The following RSRP1 variants were observed in gnomAD, a reference collection of about 807,000 sequenced individuals.
RSRP1 encodes the protein arginine and serine rich protein 1, also known as arginine/serine-rich protein 1.
Under a neutral mutation model 33.0 loss-of-function variants are expected in RSRP1, and 37 were observed. That is an observed-to-expected ratio of 1.12 (90% CI 0.86 to 1.48). RSRP1 has a LOEUF of 1.48. Among genes scored for constraint, RSRP1 ranks in the 40% most tolerant of loss-of-function variants. The pLI, the probability that RSRP1 is intolerant of heterozygous loss-of-function variation, is 0.00. For synonymous variants in RSRP1, 167 were observed against 158.7 expected (o/e 1.05, Z -0.40); for missense variants, 402 against 385.3 (o/e 1.04, Z -0.36).
chr1:25,290,905 A>C (rs1642445275), intron 1 of RSRP1: 2 of 1,081,604 alleles, frequency 1.8e-6, no homozygotes, highest in East Asian at 4.6e-5. Context: ...GCTACTTGGG[A>C]GGTTGAGGAG....
At chr1:25,300,522 A>T (rs2124672668) in intron 1 of RSRP1, among the ~76,000 whole-genome samples, 1 of 127,950 alleles carries the variant, frequency 7.8e-6, no homozygotes, top group East Asian at 2.0e-4. Flanking sequence ...AAAAAAAAAA[A>T]AAAAAGGCCA....
rs745708012 is a variant in RSRP1, at chr1:25,246,927, G to C, written c.37C>G (p.Pro13Ala). 1.0e-5 allele frequency: 16 copies of C among 1,593,462 alleles called. No individual in the cohort carries two copies. In the African/African-American group the frequency reaches 2.0e-4, roughly 20 times the overall value. Residue 13 changes from proline to alanine, a missense_variant, in exon 2 of 5, where the codon CCG becomes GCG. Coordinates refer to ENST00000243189, the MANE Select transcript of RSRP1 (RefSeq NM_020317.5). ...GTCGAGGGCGAATCCTTCTCCTGCG[G>C]CGAGCCCGGCCACATGTCGTTCACG... The part of the protein sequence containing the change: ...NYVNDMWPGS[P>A]QEKDSPSTSR...
At chr1:25,262,151 T>A (rs1263153784) in intron 1 of RSRP1, among the ~76,000 whole-genome samples, 1 of 152,234 alleles carries the variant, frequency 6.6e-6, no homozygotes, top group Non-Finnish European at 1.5e-5. Flanking sequence ...ATAGTCCCTG[T>A]TATTAAGTAA....
chr1:25,277,761 A>T (rs28661958), intron 1 of RSRP1, among the ~76,000 whole-genome samples: 1 of 115,830 alleles, frequency 8.6e-6, no homozygotes, highest in Non-Finnish European at 2.0e-5. Flanking sequence ...CGCAACCTCC[A>T]CCTCCCAGGT....
rs1639091712 is a variant in RSRP1, at chr1:25,243,648, A to G, written c.673-15T>C. On this transcript the variant is annotated splice_polypyrimidine_tract_variant and intron_variant, in intron 3 of 4. Transcript: ENST00000243189. Reference sequence around the variant, plus strand: ...TTTTCCGACAGCTAGACAGGTTAAGAAAAAGTGTAATTTTAAAACACATAC... The same window carrying G: ...TTTTCCGACAGCTAGACAGGTTAAGGAAAAGTGTAATTTTAAAACACATAC... The G allele has an allele frequency of 6.2e-7, 1 of 1,612,890 alleles. No individual in the cohort carries two copies. The highest frequency in any genetic ancestry group is 1.1e-5 in the South Asian group (1 of 90,886).
At chr1:25,295,849 AATTTTT>A (rs1642896439) in intron 1 of RSRP1, among the ~76,000 whole-genome samples, 1 of 33,728 alleles carries the variant, frequency 3.0e-5, no homozygotes, top group African/African-American at 5.8e-5. Flanking sequence ...GAATATGGGA[AATTTTT>A]TTTTTTTTTT....
chr1:25,313,362 G>C (rs182240788), intron 1 of RSRP1, among the ~76,000 whole-genome samples: 3 of 132,648 alleles, frequency 2.3e-5, no homozygotes, highest in Non-Finnish European at 5.4e-5. Flanking sequence ...GTGGTATTCT[G>C]TTATAGCAAT....
At chr1:25,257,290 ATG>A (rs376435885) in intron 1 of RSRP1, among the ~76,000 whole-genome samples, 7 of 152,228 alleles carry the variant, frequency 4.6e-5, no homozygotes, top group African/African-American at 4.8e-5. Context: ...TTTATTTTTA[ATG>A]TGTGTTTCCT....
At chr1:25,254,390 ACT>A (rs1436411928) in intron 1 of RSRP1, among the ~76,000 whole-genome samples, 14 of 152,010 alleles carry the variant, frequency 9.2e-5, no homozygotes, top group African/African-American at 2.4e-4. Context: ...GAAGCCGATG[ACT>A]CTGTCCAATT....
chr1:25,312,920 TAAAAAAAAAAAAAAAA>T (rs58027687), intron 1 of RSRP1, among the ~76,000 whole-genome samples: 103 of 6,856 alleles, frequency 0.015, 22 homozygotes, highest in South Asian at 0.071. Flanking sequence ...ATCCCATCTC[TAAAAAAAAAAAAAAAA>T]AAAAAAAAAA....
intron 1 of RSRP1, chr1:25,290,888 A>G: frequency 8.3e-7 from 1 of 1,204,762 alleles, no homozygotes; most frequent in Non-Finnish European, 1.2e-6. Flanking sequence ...GACAACCTGT[A>G]ATCCCAGCTA....
upstream of RSRP1, chr1:25,248,450 G>C (rs1053465165): frequency 2.6e-5 from 4 of 151,026 alleles, no homozygotes; most frequent in South Asian, 4.1e-4. Context: ...CGAAGAGCTG[G>C]AACTACAGGC....
Position 25,329,932 on chromosome 1 carries a change from G to C in RSRP1, c.-67+8046C>G, listed in dbSNP as rs1644964156. 2.3e-5 allele frequency: 3 copies of C among 132,344 alleles called. 1 individual carries two copies. The highest frequency in any genetic ancestry group is 3.9e-4 in the East Asian group (2 of 5,112). The allele number at this position is 132,344 out of a possible 1,614,324, so 8.2% of individuals were successfully genotyped here. ...GGCCTCCCAAAGTGCTGGGATTACA[G>C]GTGTGAGCCACCGTGCCCAGCCTAT... On this transcript the variant is annotated intron_variant, in intron 1 of 1. Transcript: ENST00000561867.
At chr1:25,300,825 C>G in intron 1 of RSRP1, 2 of 1,113,668 alleles carry the variant, frequency 1.8e-6, no homozygotes, top group East Asian at 4.6e-5. Flanking sequence ...CTCTGAACAC[C>G]AGTCTCATGG....
intron 1 of RSRP1, among the ~76,000 whole-genome samples, chr1:25,261,639 C>T (rs1390529474): frequency 1.0e-4 from 15 of 150,710 alleles, no homozygotes; most frequent in Non-Finnish European, 2.1e-4. Flanking sequence ...CTCCTGACCT[C>T]GTGATCCACC....
At chr1:25,251,639 G>A (rs1057039213), upstream of RSRP1, among the ~76,000 whole-genome samples, 3 of 152,172 alleles carry the variant, frequency 2.0e-5, no homozygotes, top group African/African-American at 7.2e-5. Flanking sequence ...AAAGTGCTGG[G>A]ATTACAGGCG....
At chr1:25,286,841 C>G (rs1431996608) in intron 1 of RSRP1, among the ~76,000 whole-genome samples, 2 of 133,686 alleles carry the variant, frequency 1.5e-5, no homozygotes, top group African/African-American at 2.6e-5. Context: ...TGCCTGTAAT[C>G]CTAGTACTTT....
chr1:25,290,785 C>A (rs1642433469), intron 1 of RSRP1: 1 of 1,376,792 alleles, frequency 7.3e-7, no homozygotes, highest in African/African-American at 1.4e-5. Context: ...TCAGTAATAT[C>A]TTCAACGTGA....
chr1:25,244,253 G>A (rs1242868435), intron 3 of RSRP1: 1 of 1,288,806 alleles, frequency 7.8e-7, no homozygotes, highest in Non-Finnish European at 1.0e-6. Context: ...ATTATGAAAG[G>A]GACATCTTTT....
Sources: allele counts gnomAD v4.1 joint callset (sites outside exome capture counted in the v4.1 genomes callset), GRCh38; gene constraint gnomAD v4.1.1; transcripts MANE v1.5; gene names NCBI Gene and HGNC (gene_info 2026-07-23, HGNC 2026-07-21).